BICC1: variants seen among roughly 807,000 people sequenced by gnomAD.
BICC1 encodes the protein BicC family RNA binding protein 1.
Under a neutral mutation model 111.0 loss-of-function variants are expected in BICC1, and 43 were observed. The ratio of observed to expected loss-of-function variants is 0.39; its 90% CI spans 0.30 to 0.50. The LOEUF is 0.50. BICC1 is among the 20% of genes least tolerant of loss of function. BICC1 has a pLI of 0.88. For missense variants in BICC1, 1,091 were observed against 1,203.2 expected (o/e 0.91, Z 1.38); for synonymous variants, 467 against 434.4 (o/e 1.07, Z -0.93).
chr10:58,703,707 A>T (rs912280897), intron 3 of BICC1, among the ~76,000 whole-genome samples: 1 of 152,224 alleles, frequency 6.6e-6, no homozygotes, highest in Non-Finnish European at 1.5e-5. Context: ...TGTTTGCAGC[A>T]TTTAAAAATT....
At chr10:58,584,432 T>G (rs1278214507) in intron 1 of BICC1, among the ~76,000 whole-genome samples, 1 of 151,982 alleles carries the variant, frequency 6.6e-6, no homozygotes, top group South Asian at 2.1e-4. Context: ...TGGGAGGAGG[T>G]GACTTCGGCA....
chr10:58,817,552 T>C lies in BICC1; in HGVS notation c.2534-10T>C, dbSNP rs1015145654. 9 of 1,613,318 alleles carry C rather than the reference T, an allele frequency of 5.6e-6. No individual in the cohort carries two copies. Among genetic ancestry groups the C allele is most frequent in the Non-Finnish European group, 7.6e-6 (9 of 1,179,484 alleles). On this transcript the variant is annotated splice_polypyrimidine_tract_variant and intron_variant, in intron 18 of 20. Transcript: ENST00000373886. ...TTACACTTCAAGCCTGTCTCTCCTTTGCCTTTCAGCGGAACACTATCTCAG... is the reference window on the plus strand; with the variant it reads ...TTACACTTCAAGCCTGTCTCTCCTTCGCCTTTCAGCGGAACACTATCTCAG...
intron 2 of BICC1, among the ~76,000 whole-genome samples, chr10:58,632,662 A>T (rs1837831880): frequency 3.3e-5 from 5 of 152,304 alleles, no homozygotes; most frequent in Admixed American, 3.3e-4. Flanking sequence ...AGCAGGGGGC[A>T]GTTTAGATTA....
chr10:58,521,522 A>G lies in BICC1; in HGVS notation c.190+8189A>G, dbSNP rs1416198921. 2.0e-5 allele frequency among the ~76,000 whole-genome samples: 3 copies of G among 152,062 alleles called. No individual in the cohort carries two copies. The East Asian group carries it at 5.8e-4, about 29-fold the overall frequency. On this transcript the variant is annotated intron_variant, in intron 1 of 20. Coordinates refer to ENST00000373886, the MANE Select transcript of BICC1 (RefSeq NM_001080512.3). ...GGTTCCTGATCAATTTTGCAAAATT[A>G]TTTTCTGGGAAGTTTTGCAGGTTAG...
At chr10:58,616,084 G>C (rs1319553409) in intron 1 of BICC1, among the ~76,000 whole-genome samples, 1 of 152,188 alleles carries the variant, frequency 6.6e-6, no homozygotes, top group Non-Finnish European at 1.5e-5. Flanking sequence ...ACCTTCAGGT[G>C]CAGGCAGGGT....
intron 3 of BICC1, among the ~76,000 whole-genome samples, chr10:58,777,824 A>C (rs1044469488): frequency 1.3e-5 from 2 of 152,156 alleles, no homozygotes; most frequent in Non-Finnish European, 2.9e-5. Context: ...ATCTCATGAA[A>C]ATTAGGTTTT....
chr10:58,727,068 T>C (rs186369601), intron 3 of BICC1, among the ~76,000 whole-genome samples: 17 of 152,314 alleles, frequency 1.1e-4, no homozygotes. Context: ...CAGAGCTTTG[T>C]AACTTTGTCT....
At chr10:58,715,689 G>C in intron 3 of BICC1, 1 of 1,591,312 alleles carries the variant, frequency 6.3e-7, no homozygotes, top group African/African-American at 1.3e-5. Context: ...AGAAGTAAAA[G>C]AGCAACTAGA....
intron 2 of BICC1, among the ~76,000 whole-genome samples, chr10:58,644,078 T>G (rs1201658194): frequency 1.3e-5 from 2 of 152,178 alleles, no homozygotes; most frequent in African/African-American, 4.8e-5. Flanking sequence ...CTGTCAGTCC[T>G]CCATGAATTT....
chr10:58,819,323 C>G (rs561766475), intron 19 of BICC1, among the ~76,000 whole-genome samples: 3 of 152,250 alleles, frequency 2.0e-5, no homozygotes, highest in East Asian at 3.9e-4. Flanking sequence ...CTAAGGTTTT[C>G]TAAGACCTGG....
At chr10:58,764,998 A>G (rs1251367447) in intron 3 of BICC1, among the ~76,000 whole-genome samples, 1 of 152,156 alleles carries the variant, frequency 6.6e-6, no homozygotes, top group Non-Finnish European at 1.5e-5. Flanking sequence ...TAACCAAATT[A>G]TGGTCTAATA....
At chr10:58,560,928 G>T (rs1217431486) in intron 1 of BICC1, among the ~76,000 whole-genome samples, 1 of 151,844 alleles carries the variant, frequency 6.6e-6, no homozygotes, top group African/African-American at 2.4e-5. Flanking sequence ...TTAAAAATAG[G>T]TTGAGGCTTG....
chr10:58,581,726 G>C (rs766296733), intron 1 of BICC1, among the ~76,000 whole-genome samples: 4 of 152,036 alleles, frequency 2.6e-5, no homozygotes, highest in African/African-American at 4.8e-5. Context: ...ATAAATAAGA[G>C]GGAGAAAAGT....
intron 3 of BICC1, among the ~76,000 whole-genome samples, chr10:58,741,223 A>G (rs1589087695): frequency 6.6e-6 from 1 of 152,344 alleles, no homozygotes; most frequent in Admixed American, 6.5e-5. Context: ...TGTAATGGAA[A>G]TGGCAACCCA....
At chr10:58,762,050 C>T (rs372161877) in intron 3 of BICC1, among the ~76,000 whole-genome samples, 24 of 152,120 alleles carry the variant, frequency 1.6e-4, no homozygotes, top group East Asian at 7.7e-4. Context: ...AACTTTGCAC[C>T]GCCCTCGCTC....
intron 1 of BICC1, among the ~76,000 whole-genome samples, chr10:58,592,709 C>T (rs1274820492): frequency 2.0e-5 from 3 of 146,976 alleles, no homozygotes; most frequent in East Asian, 2.0e-4. Flanking sequence ...AGTGAGACTC[C>T]GTGTGAAAAA....
chr10:58,666,313 C>T (rs1013012225), intron 2 of BICC1, among the ~76,000 whole-genome samples: 6 of 152,174 alleles, frequency 3.9e-5, no homozygotes, highest in Non-Finnish European at 7.3e-5. Context: ...CTGAGATTGG[C>T]CAACACTCAG....
intron 4 of BICC1, 38 bp from the exon 5 acceptor site, chr10:58,786,885 T>TTGCATACA: frequency 6.8e-7 from 1 of 1,469,808 alleles, no homozygotes. Context: ...TTCTTTCCTT[T>TTGCATACA]TGCATACATC....
At chr10:58,753,968 A>G (rs1842067519) in intron 3 of BICC1, among the ~76,000 whole-genome samples, 1 of 152,158 alleles carries the variant, frequency 6.6e-6, no homozygotes, top group African/African-American at 2.4e-5. Context: ...ACCATATGAT[A>G]GGACTTAATT....
Sources: gnomAD v4.1 joint callset for allele counts (sites outside exome capture counted in the v4.1 genomes callset) on GRCh38, gnomAD v4.1.1 for gene constraint, MANE v1.5 for transcripts, NCBI Gene and HGNC (gene_info 2026-07-23, HGNC 2026-07-21) for gene names.